PCCA: variants seen among roughly 807,000 people sequenced by gnomAD.
The protein encoded by PCCA is propionyl-CoA carboxylase subunit alpha, also known as propionyl-CoA carboxylase alpha chain, mitochondrial.
A neutral mutation model predicts 101.3 loss-of-function variants in PCCA; 74 were observed. The observed-to-expected ratio is 0.73, with a 90% CI of 0.61 to 0.89. PCCA has a LOEUF of 0.89. Among genes scored for constraint, PCCA ranks in the 40% least tolerant of loss-of-function variants. The pLI, the probability that PCCA is intolerant of heterozygous loss-of-function variation, is 0.00. For synonymous variants in PCCA, 294 were observed against 313.6 expected (o/e 0.94, Z 0.66); for missense variants, 891 against 907.0 (o/e 0.98, Z 0.23).
intron 21 of PCCA, among the ~76,000 whole-genome samples, chr13:100,480,658 G>T (rs559630339): frequency 6.6e-6 from 1 of 152,056 alleles, no homozygotes; most frequent in Admixed American, 6.5e-5. Context: ...ACCAAAAAAC[G>T]CCCTCAGCTC....
intron 2 of PCCA, among the ~76,000 whole-genome samples, chr13:100,103,398 G>T (rs1271446963): frequency 6.6e-6 from 1 of 150,572 alleles, no homozygotes; most frequent in Non-Finnish European, 1.5e-5. Flanking sequence ...TGCAACCTAC[G>T]CCTCTGGGGT....
intron 7 of PCCA, among the ~76,000 whole-genome samples, chr13:100,211,134 A>G (rs1262962771): frequency 6.6e-6 from 1 of 152,218 alleles, no homozygotes; most frequent in Non-Finnish European, 1.5e-5. Context: ...TCACTCAGTT[A>G]TGTGGGAAGG....
chr13:100,412,238 A>G (rs2078098110), intron 19 of PCCA, among the ~76,000 whole-genome samples: 1 of 152,200 alleles, frequency 6.6e-6, no homozygotes, highest in African/African-American at 2.4e-5. Flanking sequence ...ATTGCCATCT[A>G]GTTCACAGAC....
chr13:100,223,320 C>G (rs1180652714), intron 7 of PCCA, among the ~76,000 whole-genome samples: 3 of 152,286 alleles, frequency 2.0e-5, no homozygotes, highest in African/African-American at 7.2e-5. Flanking sequence ...GGTGGCGCGT[C>G]TGGAGTTTGT....
intron 4 of PCCA, among the ~76,000 whole-genome samples, chr13:100,136,350 T>C (rs924223191): frequency 2.0e-5 from 3 of 152,054 alleles, no homozygotes; most frequent in African/African-American, 7.2e-5. Context: ...CACGCCTGGC[T>C]AATTTTTGTA....
At chr13:100,520,634 C>CA (rs374566196) in intron 22 of PCCA, among the ~76,000 whole-genome samples, 43,292 of 68,738 alleles carry the variant, frequency 0.63, 13,769 homozygotes, top group South Asian at 0.84. Flanking sequence ...GACTCCGTCT[C>CA]AAAAAAAAAA....
At chr13:100,411,314 C>T (rs2078038380) in intron 19 of PCCA, among the ~76,000 whole-genome samples, 1 of 151,700 alleles carries the variant, frequency 6.6e-6, no homozygotes, top group Non-Finnish European at 1.5e-5. Flanking sequence ...TTACCTCTGC[C>T]TCCCAGGTTC....
chr13:100,409,122 T>G (rs1351546323), intron 19 of PCCA, among the ~76,000 whole-genome samples: 1 of 152,050 alleles, frequency 6.6e-6, no homozygotes, highest in African/African-American at 2.4e-5. Context: ...TGCTGCTCTC[T>G]GGTCCCTCCC....
Position 100,352,908 on chromosome 13 carries a change from G to C in PCCA, c.1643+12649G>C, listed in dbSNP as rs572303300. On this transcript the variant is annotated intron_variant, in intron 18 of 23. Transcript: ENST00000376285. ...TTTAGAGGTAGGTTTTTCCTATATT[G>C]CCCAGGCTGGTCTTGAACTCCTGAC... 2.6e-5 allele frequency among the ~76,000 whole-genome samples: 4 copies of C among 152,142 alleles called. No homozygotes were observed. In the East Asian group the frequency reaches 7.7e-4, roughly 29 times the overall value.
chr13:100,501,768 G>T (rs1378772651), intron 21 of PCCA, among the ~76,000 whole-genome samples: 3 of 152,136 alleles, frequency 2.0e-5, no homozygotes, highest in African/African-American at 7.2e-5. Flanking sequence ...CAGCTACTTG[G>T]GAGGCTGAGG....
At chr13:100,481,515 G>A (rs1034162159) in intron 21 of PCCA, among the ~76,000 whole-genome samples, 1 of 152,094 alleles carries the variant, frequency 6.6e-6, no homozygotes, top group Non-Finnish European at 1.5e-5. Context: ...CCAAGATCAT[G>A]CCACTGCACT....
chr13:100,259,954 A>G (rs1391932114), intron 9 of PCCA, among the ~76,000 whole-genome samples: 2 of 152,180 alleles, frequency 1.3e-5, no homozygotes, highest in African/African-American at 4.8e-5. Context: ...GTTCTAAAAT[A>G]GGTTGTTGGC....
At chr13:100,214,928 T>C (rs906560619) in intron 7 of PCCA, among the ~76,000 whole-genome samples, 2 of 152,214 alleles carry the variant, frequency 1.3e-5, no homozygotes, top group African/African-American at 4.8e-5. Context: ...ATCGTATGCC[T>C]ATCTTTAATA....
intron 21 of PCCA, among the ~76,000 whole-genome samples, chr13:100,478,959 T>G (rs1490816207): frequency 6.6e-6 from 1 of 152,138 alleles, no homozygotes; most frequent in African/African-American, 2.4e-5. Context: ...ACACACAATT[T>G]GACTCTGCAT....
At chr13:100,524,480 T>A (rs1328976554) in intron 22 of PCCA, among the ~76,000 whole-genome samples, 1 of 151,858 alleles carries the variant, frequency 6.6e-6, no homozygotes, top group Non-Finnish European at 1.5e-5. Context: ...AGGAAGTTTT[T>A]AAACACCATC....
intron 21 of PCCA, among the ~76,000 whole-genome samples, chr13:100,509,333 G>A (rs1938767494): frequency 1.3e-5 from 2 of 152,134 alleles, no homozygotes; most frequent in African/African-American, 2.4e-5. Flanking sequence ...ACTAATCTGC[G>A]CCTCAGTGTT....
chr13:100,361,149 GA>G (rs920275400), intron 18 of PCCA, among the ~76,000 whole-genome samples: 6 of 151,960 alleles, frequency 3.9e-5, no homozygotes, highest in South Asian at 2.1e-4. Context: ...GGAGGGAGGG[GA>G]AATAAATAGG....
At chr13:100,482,691 C>A (rs533379016) in intron 21 of PCCA, among the ~76,000 whole-genome samples, 1 of 152,218 alleles carries the variant, frequency 6.6e-6, no homozygotes, top group Non-Finnish European at 1.5e-5. Context: ...TGGGTTCAAG[C>A]GATTCTCCTG....
At chr13:100,309,392 A>G (rs1345603818) in intron 15 of PCCA, among the ~76,000 whole-genome samples, 1 of 152,216 alleles carries the variant, frequency 6.6e-6, no homozygotes, top group Non-Finnish European at 1.5e-5. Context: ...GCGAGACTCC[A>G]TCTCAAAAAT....
Sources: allele counts gnomAD v4.1 joint callset (sites outside exome capture counted in the v4.1 genomes callset), GRCh38; gene constraint gnomAD v4.1.1; transcripts MANE v1.5; gene names NCBI Gene and HGNC (gene_info 2026-07-23, HGNC 2026-07-21).